The following C10orf90 variants were observed in gnomAD, a reference collection of about 807,000 sequenced individuals.
C10orf90 encodes (E2-independent) E3 ubiquitin-conjugating enzyme FATS.
A neutral mutation model predicts 62.5 loss-of-function variants in C10orf90; 56 were observed. The observed-to-expected ratio is 0.90, with a 90% confidence interval of 0.72 to 1.12. The LOEUF (loss-of-function observed/expected upper bound fraction) is 1.12. Among genes scored for constraint, C10orf90 ranks in the 50% most tolerant of loss-of-function variants. C10orf90 has a pLI of 0.00. For missense variants in C10orf90, 970 were observed against 880.4 expected, an observed-to-expected ratio of 1.10 and a Z score of -1.29; for synonymous variants, 386 against 340.4, an observed-to-expected ratio of 1.13 and a Z score of -1.47.
chr10:126,511,052 G>T (rs978559282), intron 3 of C10orf90, among the ~76,000 whole-genome samples: 4 of 152,212 alleles, frequency 2.6e-5, no homozygotes, highest in Non-Finnish European at 5.9e-5. Context: ...AGACTCTGCA[G>T]TCCTCTCCGC....
At chr10:126,539,726 C>CT (rs1474233201) in intron 2 of C10orf90, among the ~76,000 whole-genome samples, 1 of 152,118 alleles carries the variant, frequency 6.6e-6, no homozygotes, top group Non-Finnish European at 1.5e-5. Flanking sequence ...TGTAAATTAA[C>CT]TTTTTCCAGC....
intron 2 of C10orf90, among the ~76,000 whole-genome samples, chr10:126,553,647 CTGTACAGGTTTGT>C (rs1309116257): frequency 6.6e-6 from 1 of 152,168 alleles, no homozygotes; most frequent in Non-Finnish European, 1.5e-5. Context: ...TACAGTCATG[CTGTACAGGTTTGT>C]AACCTAGGGG....
At chr10:126,585,283 CAAAG>C (rs1449536734) in intron 2 of C10orf90, among the ~76,000 whole-genome samples, 6 of 140,376 alleles carry the variant, frequency 4.3e-5, no homozygotes, top group Non-Finnish European at 6.1e-5. Context: ...GAAAAAGAAA[CAAAG>C]AAAGCAAGCA....
intron 2 of C10orf90, among the ~76,000 whole-genome samples, chr10:126,628,013 C>T (rs1407996396): frequency 1.3e-5 from 2 of 152,128 alleles, no homozygotes; most frequent in African/African-American, 4.8e-5. Flanking sequence ...GCAAGTGTCT[C>T]TTAAAAAAAA....
intron 3 of C10orf90, among the ~76,000 whole-genome samples, chr10:126,512,372 CTG>C (rs779390627): frequency 4.6e-5 from 3 of 64,916 alleles, no homozygotes; most frequent in Non-Finnish European, 7.1e-5. Context: ...GTATGTGTGT[CTG>C]TGTGTGTGTG....
At chr10:126,515,827 G>A (rs1863409886) in intron 2 of C10orf90, among the ~76,000 whole-genome samples, 1 of 152,208 alleles carries the variant, frequency 6.6e-6, no homozygotes, top group African/African-American at 2.4e-5. Flanking sequence ...TCTTGTCCTT[G>A]GGTGACAGTG....
At chr10:126,442,104 T>C (rs1435418337) in intron 7 of C10orf90, among the ~76,000 whole-genome samples, 2 of 151,918 alleles carry the variant, frequency 1.3e-5, no homozygotes, top group African/African-American at 4.8e-5. Context: ...TTAAAAGATA[T>C]AGAACTATAG....
intron 2 of C10orf90, among the ~76,000 whole-genome samples, chr10:126,522,488 C>T (rs892343106): frequency 1.3e-5 from 2 of 152,192 alleles, no homozygotes; most frequent in African/African-American, 2.4e-5. Flanking sequence ...TAAGCAGTTT[C>T]ACAAACACAA....
chr10:126,464,999 C>A lies in C10orf90; in HGVS notation c.1535-13G>T. 6.3e-7 allele frequency: 1 copy of A among 1,591,348 alleles called. No individual in the cohort carries two copies. The highest frequency in any genetic ancestry group is 1.1e-5 in the South Asian group (1 of 90,152). On this transcript the variant is annotated splice_polypyrimidine_tract_variant and intron_variant, in intron 4 of 9. Transcript: ENST00000488181. The stretch of plus-strand genomic sequence containing the variant: ...ACTTTTGTGTGTACTAAAAATAAAA[C>A]GAGAGTTGTGCTCAAAATCTCTTAT...
At chr10:126,463,615 TTGC>T (rs1172308896) in intron 5 of C10orf90, among the ~76,000 whole-genome samples, 5 of 152,162 alleles carry the variant, frequency 3.3e-5, no homozygotes, top group Admixed American at 1.3e-4. Context: ...TCCCAGCCAC[TTGC>T]GTCATGTGTG....
At chr10:126,600,084 T>A (rs962234385) in intron 2 of C10orf90, among the ~76,000 whole-genome samples, 1 of 151,992 alleles carries the variant, frequency 6.6e-6, no homozygotes, top group Non-Finnish European at 1.5e-5. Context: ...TTCCACAGTG[T>A]GTGTGTGCAT....
At position 126,605,868 on chromosome 10, in the gene C10orf90, A is replaced by AATAC. The variant is rs542486502; in HGVS notation, c.313+40693_313+40696dup. Among the ~76,000 whole-genome samples the AATAC allele has an allele frequency of 8.4e-4, 116 of 137,694 alleles. 2 individuals are homozygous for AATAC. The highest frequency in any genetic ancestry group is 3.1e-3 in the African/African-American group (107 of 34,690). The allele number at this position is 137,694 out of a possible 152,430, so 90.3% of individuals were successfully genotyped here. A position where few individuals can be genotyped will look rare whatever the true frequency, so the allele number is the denominator to read the frequency against. On this transcript the variant is annotated intron_variant, in intron 2 of 9. Coordinates refer to ENST00000488181, the MANE Select transcript of C10orf90 (RefSeq NM_001350921.2). ...TAAAAGATACAAAGGAAAACCTAAA[A>AATAC]ATACATACATGCATACATACATACA...
intron 2 of C10orf90, among the ~76,000 whole-genome samples, chr10:126,576,292 TA>T (rs1564878848): frequency 6.6e-6 from 1 of 151,814 alleles, no homozygotes; most frequent in Non-Finnish European, 1.5e-5. Flanking sequence ...AAAGGAGACA[TA>T]AAAAATGGCC....
At chr10:126,542,123 C>T (rs1057165455) in intron 2 of C10orf90, among the ~76,000 whole-genome samples, 2 of 152,084 alleles carry the variant, frequency 1.3e-5, no homozygotes, top group Non-Finnish European at 2.9e-5. Context: ...GGTAAATTTA[C>T]AGAGATGGAA....
chr10:126,631,621 C>T (rs1377057423), intron 2 of C10orf90, among the ~76,000 whole-genome samples: 1 of 152,018 alleles, frequency 6.6e-6, no homozygotes, highest in Non-Finnish European at 1.5e-5. Flanking sequence ...GGCACAGTTC[C>T]TGGTGCATAG....
chr10:126,491,268 T>C (rs1336698384), intron 4 of C10orf90, among the ~76,000 whole-genome samples: 1 of 152,178 alleles, frequency 6.6e-6, no homozygotes, highest in African/African-American at 2.4e-5. Context: ...TTATATAGAT[T>C]CTAGAATAGT....
rs1445269602 is a variant in C10orf90, at chr10:126,504,027, T to C, written c.1464A>G (p.Thr488=). Residue 488 remains threonine, a synonymous_variant, in exon 4 of 10, where the codon ACA becomes ACG. Transcript: ENST00000488181. This position sits in a 1 kb window ranked among gnomAD's most constrained non-coding sequence, Gnocchi z 4.1. ...CATGATCGCTGGCGTGACAATGAGT[T>C]GTATGGTCCTTTTCCCCTTTTCTTA... ...VTVRKGEKDH[T]THCHASDHAN... The C allele has an allele frequency of 6.2e-7, 1 of 1,614,084 alleles. No homozygotes were observed.
chr10:126,570,748 A>G (rs150520497), intron 2 of C10orf90, among the ~76,000 whole-genome samples: 33 of 152,166 alleles, frequency 2.2e-4, no homozygotes, highest in Non-Finnish European at 4.6e-4. Context: ...TTACTATTCC[A>G]TTTCTGTATT....
At chr10:126,633,107 T>A (rs1448837706) in intron 2 of C10orf90, among the ~76,000 whole-genome samples, 1 of 152,180 alleles carries the variant, frequency 6.6e-6, no homozygotes, top group Non-Finnish European at 1.5e-5. Flanking sequence ...TCTGCCATCA[T>A]ACAGACATGC....
Sources: allele counts gnomAD v4.1 joint callset (sites outside exome capture counted in the v4.1 genomes callset), GRCh38; gene constraint gnomAD v4.1.1; non-coding constraint Gnocchi (gnomAD v3.1); transcripts MANE v1.5; gene names NCBI Gene and HGNC (gene_info 2026-07-23, HGNC 2026-07-21).